The following NCAM2 variants were observed in gnomAD, a reference collection of about 807,000 sequenced individuals.
NCAM2 encodes neural cell adhesion molecule 2.
In NCAM2, 30 loss-of-function variants were observed where a neutral mutation model predicts 98.1. The observed-to-expected ratio is 0.31, with a 90% CI of 0.23 to 0.41. The LOEUF is 0.41. NCAM2 is among the 10% of genes least tolerant of loss of function. NCAM2 has a pLI of 1.00. For missense variants in NCAM2, 867 were observed against 1,005.8 expected (o/e 0.86, Z 1.87); for synonymous variants, 368 against 342.4 (o/e 1.07, Z -0.83).
At chr21:21,077,571 C>T (rs2065705902) in intron 1 of NCAM2, among the ~76,000 whole-genome samples, 1 of 152,090 alleles carries the variant, frequency 6.6e-6, no homozygotes, top group Non-Finnish European at 1.5e-5. Flanking sequence ...AGGACCTTTG[C>T]TTTCATGTTA....
intron 8 of NCAM2, among the ~76,000 whole-genome samples, chr21:21,373,344 A>G (rs1602141065): frequency 6.6e-6 from 1 of 151,924 alleles, no homozygotes; most frequent in South Asian, 2.1e-4. Context: ...ATCAGGAACT[A>G]TTTTTAATAC....
At position 21,225,981 on chromosome 21, in the gene NCAM2, A is replaced by G. The variant is rs576835698; in HGVS notation, c.56-54597A>G. Among the ~76,000 whole-genome samples the G allele has an allele frequency of 1.2e-4, 18 of 152,268 alleles. No homozygotes were observed. In the East Asian group the frequency reaches 3.5e-3, roughly 29 times the overall value. On this transcript the variant is annotated intron_variant, in intron 1 of 17. Coordinates refer to ENST00000400546, the MANE Select transcript of NCAM2 (RefSeq NM_004540.5). Reference sequence around the variant, plus strand: ...ACCATAGAATACTAGGCCACCATAAAAAGAATGAAATCATGTCCTTTGTGG... The same window carrying G: ...ACCATAGAATACTAGGCCACCATAAGAAGAATGAAATCATGTCCTTTGTGG...
chr21:21,484,212 A>G (rs1349136878), intron 15 of NCAM2, among the ~76,000 whole-genome samples: 1 of 152,184 alleles, frequency 6.6e-6, no homozygotes, highest in Non-Finnish European at 1.5e-5. Flanking sequence ...TATGTTTTTA[A>G]TATGTGACAA....
chr21:21,005,231 C>G (rs2064089901), intron 1 of NCAM2, among the ~76,000 whole-genome samples: 2 of 152,090 alleles, frequency 1.3e-5, no homozygotes, highest in Admixed American at 1.3e-4. Context: ...AGTCTGCTGG[C>G]CATGGCCATG....
chr21:21,416,284 G>C (rs150128293), intron 10 of NCAM2, among the ~76,000 whole-genome samples: 2 of 152,114 alleles, frequency 1.3e-5, no homozygotes, highest in African/African-American at 4.8e-5. Flanking sequence ...CTGTCTTAGG[G>C]GCACAGTTTG....
At chr21:21,259,714 T>G (rs779250636) in intron 1 of NCAM2, among the ~76,000 whole-genome samples, 13 of 151,998 alleles carry the variant, frequency 8.6e-5, no homozygotes, top group Admixed American at 2.0e-4. Context: ...TTGGATTAAA[T>G]GTACAATGGA....
intron 1 of NCAM2, among the ~76,000 whole-genome samples, chr21:21,029,373 A>G (rs1378435690): frequency 1.3e-5 from 2 of 152,176 alleles, no homozygotes; most frequent in Admixed American, 6.5e-5. Flanking sequence ...CTAGTGTGCT[A>G]TTTGTGACCA....
intron 15 of NCAM2, among the ~76,000 whole-genome samples, chr21:21,501,456 A>T (rs1371485996): frequency 6.6e-6 from 1 of 151,978 alleles, no homozygotes; most frequent in South Asian, 2.1e-4. Flanking sequence ...GGGAATTTAT[A>T]ATGCTCCCTA....
intron 1 of NCAM2, among the ~76,000 whole-genome samples, chr21:21,174,430 T>C (rs2068219469): frequency 6.6e-6 from 1 of 152,194 alleles, no homozygotes; most frequent in Non-Finnish European, 1.5e-5. Context: ...AGTTTTTATC[T>C]GAAAAACAAA....
chr21:21,450,137 A>T (rs547923854), intron 12 of NCAM2, among the ~76,000 whole-genome samples: 1 of 152,204 alleles, frequency 6.6e-6, no homozygotes, highest in South Asian at 2.1e-4. Flanking sequence ...CACAAAGATA[A>T]ATCAGAAAAT....
intron 1 of NCAM2, among the ~76,000 whole-genome samples, chr21:21,240,836 A>G (rs1381101353): frequency 3.3e-5 from 5 of 152,172 alleles, no homozygotes; most frequent in African/African-American, 7.2e-5. Flanking sequence ...TCTGAAAACA[A>G]TGGGGATAAT....
At chr21:21,021,035 A>AGGACCCAG (rs1269989176) in intron 1 of NCAM2, among the ~76,000 whole-genome samples, 2 of 152,184 alleles carry the variant, frequency 1.3e-5, no homozygotes, top group Non-Finnish European at 2.9e-5. Context: ...GGTCCCACAG[A>AGGACCCAG]GAATTACAAC....
At chr21:21,233,402 T>C (rs1309437895) in intron 1 of NCAM2, among the ~76,000 whole-genome samples, 9 of 151,686 alleles carry the variant, frequency 5.9e-5, no homozygotes, top group Non-Finnish European at 1.3e-4. Flanking sequence ...TATGATTTCA[T>C]TTTTTTATTT....
At chr21:21,076,286 C>T (rs1436865322) in intron 1 of NCAM2, among the ~76,000 whole-genome samples, 2 of 151,974 alleles carry the variant, frequency 1.3e-5, no homozygotes, top group African/African-American at 4.8e-5. Flanking sequence ...AACTTGGTCC[C>T]TTATAATTTA....
intron 12 of NCAM2, among the ~76,000 whole-genome samples, chr21:21,462,975 G>A (rs9979925): frequency 0.043 from 6,605 of 152,110 alleles, 484 homozygotes; most frequent in African/African-American, 0.15. Flanking sequence ...TGAATTTCTA[G>A]TAAATTACAA....
At chr21:21,384,315 A>G (rs1390272697) in intron 9 of NCAM2, among the ~76,000 whole-genome samples, 1 of 151,588 alleles carries the variant, frequency 6.6e-6, no homozygotes, top group Non-Finnish European at 1.5e-5. Context: ...TTTTTTTCTT[A>G]TGGATCTAAC....
chr21:21,277,967 A>C (rs1020394722), intron 1 of NCAM2, among the ~76,000 whole-genome samples: 1 of 152,142 alleles, frequency 6.6e-6, no homozygotes, highest in African/African-American at 2.4e-5. Flanking sequence ...ACCGTGAGCA[A>C]ATTTTGATGT....
In NCAM2 at chr21:21,082,532, G is replaced by C. The variant is rs147914065; in HGVS notation, c.55+83914G>C. Among the ~76,000 whole-genome samples the C allele has an allele frequency of 7.7e-3, 1,168 of 152,212 alleles. 14 individuals are homozygous for C. Among genetic ancestry groups the C allele is most frequent in the Non-Finnish European group, 0.01 (684 of 68,014 alleles). ...AGGTTTCATTTAAATAAAGTCTTCT[G>C]TAAAAGTTACACTGATTATTACTAC... On this transcript the variant is annotated intron_variant, in intron 1 of 17. Transcript: ENST00000400546.
intron 1 of NCAM2, among the ~76,000 whole-genome samples, chr21:21,117,864 G>GAT (rs1324660846): frequency 6.6e-6 from 1 of 152,086 alleles, no homozygotes; most frequent in African/African-American, 2.4e-5. Flanking sequence ...TTTAAACAAG[G>GAT]ATATGGCTTA....
Sources: allele counts gnomAD v4.1 joint callset (sites outside exome capture counted in the v4.1 genomes callset), GRCh38; gene constraint gnomAD v4.1.1; transcripts MANE v1.5; gene names NCBI Gene and HGNC (gene_info 2026-07-23, HGNC 2026-07-21).